Variants in SEMA3A observed in about 807,000 individuals in gnomAD.
The protein encoded by SEMA3A is semaphorin 3A.
In SEMA3A, 29 loss-of-function variants were observed where a neutral mutation model predicts 97.9. The observed-to-expected ratio is 0.30, with a 90% CI of 0.22 to 0.40. The LOEUF is 0.40. Among genes scored for constraint, SEMA3A ranks in the 10% least tolerant of loss-of-function variants. The pLI is 1.00. For synonymous variants in SEMA3A, 321 were observed against 323.7 expected (o/e 0.99, Z 0.09); for missense variants, 763 against 951.3 (o/e 0.80, Z 2.60).
Position 84,395,693 on chromosome 7 carries a change from T to C in SEMA3A, c.-245-23793A>G, listed in dbSNP as rs76634229. Among the ~76,000 whole-genome samples the C allele has an allele frequency of 0.014, 2,101 of 152,190 alleles. 79 individuals are homozygous for C. The East Asian group carries it at 0.16, about 11-fold the overall frequency. On this transcript the variant is annotated intron_variant, in intron 1 of 3. Transcript: ENST00000424555. ...CTGATGGTTTTATAGAGGGCCTTTTTCCCTGTTTGCTCGGCACTTCTTCCT... is the reference window on the plus strand; with the variant it reads ...CTGATGGTTTTATAGAGGGCCTTTTCCCCTGTTTGCTCGGCACTTCTTCCT...
chr7:84,140,681 T>C (rs1372802625), intron 1 of SEMA3A, among the ~76,000 whole-genome samples: 1 of 152,144 alleles, frequency 6.6e-6, no homozygotes, highest in African/African-American at 2.4e-5. Flanking sequence ...TTTGTAAATA[T>C]TGGAAAGTTC....
chr7:84,452,271 A>G (rs1055569622), intron 1 of SEMA3A, among the ~76,000 whole-genome samples: 11 of 147,586 alleles, frequency 7.5e-5, no homozygotes, highest in African/African-American at 3.0e-4. Flanking sequence ...AAAAATAGCC[A>G]GTACTAAAGT....
At chr7:84,021,881 G>A (rs1791341798) in intron 6 of SEMA3A, among the ~76,000 whole-genome samples, 1 of 152,048 alleles carries the variant, frequency 6.6e-6, no homozygotes, top group Admixed American at 6.6e-5. Context: ...AAAATGTTTA[G>A]GTTGTCAGTT....
At chr7:84,282,821 G>A (rs375690933) in intron 3 of SEMA3A, among the ~76,000 whole-genome samples, 169 of 151,910 alleles carry the variant, frequency 1.1e-3, no homozygotes, top group Middle Eastern at 3.4e-3. Flanking sequence ...TGAAACCAGC[G>A]TGGCCAACAT....
chr7:84,064,353 T>A (rs564347446), intron 4 of SEMA3A, among the ~76,000 whole-genome samples: 1 of 152,204 alleles, frequency 6.6e-6, no homozygotes, highest in Non-Finnish European at 1.5e-5. Flanking sequence ...AGGAATAAAC[T>A]GCATCAACTA....
intron 3 of SEMA3A, among the ~76,000 whole-genome samples, chr7:84,200,756 A>C (rs2116295541): frequency 6.6e-6 from 1 of 151,194 alleles, no homozygotes; most frequent in Non-Finnish European, 1.5e-5. Flanking sequence ...ATATTAATAT[A>C]TTAAAAGCAG....
intron 1 of SEMA3A, among the ~76,000 whole-genome samples, chr7:84,156,397 C>T (rs1796846962): frequency 6.6e-6 from 1 of 152,216 alleles, no homozygotes; most frequent in Admixed American, 6.5e-5. Context: ...GAAAGTGTGA[C>T]ATTTTGTAAA....
chr7:84,453,559 T>C (rs1805616726), intron 1 of SEMA3A, among the ~76,000 whole-genome samples: 1 of 152,102 alleles, frequency 6.6e-6, no homozygotes, highest in Non-Finnish European at 1.5e-5. Context: ...TATTGAGTGA[T>C]AGAGACAATG....
At chr7:84,286,299 A>C (rs1800586741) in intron 3 of SEMA3A, among the ~76,000 whole-genome samples, 1 of 152,204 alleles carries the variant, frequency 6.6e-6, no homozygotes, top group African/African-American at 2.4e-5. Flanking sequence ...CATTGAATTC[A>C]GTGGCAGACA....
intron 1 of SEMA3A, among the ~76,000 whole-genome samples, chr7:84,438,773 A>C (rs971581489): frequency 6.6e-6 from 1 of 152,098 alleles, no homozygotes; most frequent in Admixed American, 6.5e-5. Context: ...ATCATAAGGG[A>C]AATGACTTGA....
intron 1 of SEMA3A, among the ~76,000 whole-genome samples, chr7:84,430,783 T>C (rs1804957843): frequency 7.2e-6 from 1 of 139,344 alleles, no homozygotes; most frequent in Non-Finnish European, 1.5e-5. Context: ...CTACACAACA[T>C]AAAATTTGTG....
intron 1 of SEMA3A, among the ~76,000 whole-genome samples, chr7:84,139,761 A>G (rs1451341985): frequency 6.6e-6 from 1 of 152,062 alleles, no homozygotes; most frequent in East Asian, 1.9e-4. Flanking sequence ...CATGAAATTC[A>G]AGATTCTTAT....
chr7:84,188,679 A>G (rs1347658688), intron 1 of SEMA3A, among the ~76,000 whole-genome samples: 2 of 151,902 alleles, frequency 1.3e-5, no homozygotes, highest in African/African-American at 4.8e-5. Context: ...CTCTGCTTCC[A>G]TCATTCTAAT....
intron 1 of SEMA3A, among the ~76,000 whole-genome samples, chr7:84,438,111 G>A (rs984001120): frequency 3.3e-5 from 5 of 152,016 alleles, no homozygotes; most frequent in South Asian, 2.1e-4. Context: ...TAGGGGGTAT[G>A]CTTTATTAAT....
intron 3 of SEMA3A, among the ~76,000 whole-genome samples, chr7:84,254,566 A>G (rs907257775): frequency 1.3e-5 from 2 of 152,208 alleles, no homozygotes; most frequent in Non-Finnish European, 2.9e-5. Context: ...TCCAATGGGA[A>G]TTCTAAATAT....
chr7:84,025,079 T>C (rs11976049), intron 6 of SEMA3A, among the ~76,000 whole-genome samples: 104,086 of 151,448 alleles, frequency 0.69, 35,959 homozygotes, highest in Middle Eastern at 0.77. Flanking sequence ...AAAGCGAGAC[T>C]CTGTCTTTAA....
intron 6 of SEMA3A, among the ~76,000 whole-genome samples, chr7:84,029,808 T>TACACAC (rs1282430932): frequency 2.8e-5 from 4 of 141,314 alleles, no homozygotes; most frequent in African/African-American, 9.3e-5. Context: ...ATCCCTTCCA[T>TACACAC]ATACACACAC....
intron 4 of SEMA3A, among the ~76,000 whole-genome samples, chr7:84,094,245 T>C (rs1338081483): frequency 6.6e-6 from 1 of 152,104 alleles, no homozygotes; most frequent in Non-Finnish European, 1.5e-5. Context: ...GTTCATTACA[T>C]ACAGGCACCA....
chr7:84,192,430 G>A (rs1196494753), intron 1 of SEMA3A, among the ~76,000 whole-genome samples: 1 of 151,858 alleles, frequency 6.6e-6, no homozygotes. Flanking sequence ...AGCTCTAGGT[G>A]TATCAATGGG....
Sources: allele counts gnomAD v4.1 joint callset (sites outside exome capture counted in the v4.1 genomes callset), GRCh38; gene constraint gnomAD v4.1.1; transcripts MANE v1.5; gene names NCBI Gene and HGNC (gene_info 2026-07-23, HGNC 2026-07-21).